FDFT1: variants seen among roughly 807,000 people sequenced by gnomAD.
The protein encoded by FDFT1 is squalene synthase.
Under a neutral mutation model 46.8 loss-of-function variants are expected in FDFT1, and 68 were observed. That is an observed-to-expected ratio of 1.45 (90% CI 1.19 to 1.78). The LOEUF (loss-of-function observed/expected upper bound fraction) is 1.78, where lower values mean the gene tolerates loss of function less well. Ranked by LOEUF, FDFT1 falls within the 40% of genes most tolerant of loss-of-function variation. The pLI, the probability that FDFT1 is intolerant of heterozygous loss-of-function variation, is 0.00. For missense variants in FDFT1, 928 were observed against 524.4 expected (o/e 1.77, Z -7.52); for synonymous variants, 351 against 185.1 (o/e 1.90, Z -7.28).
At chr8:11,812,140 C>T (rs571301197) in intron 3 of FDFT1, among the ~76,000 whole-genome samples, 7 of 152,306 alleles carry the variant, frequency 4.6e-5, no homozygotes, top group African/African-American at 1.7e-4. Flanking sequence ...TAGGCCCCCT[C>T]ACTCCCAAAG....
intron 3 of FDFT1, among the ~76,000 whole-genome samples, chr8:11,817,416 A>G (rs1030468231): frequency 6.6e-6 from 1 of 151,858 alleles, no homozygotes. Flanking sequence ...CTCTTTTTCT[A>G]TTGGAATAGT....
chr8:11,823,021 C>G (rs1042274023), intron 4 of FDFT1, among the ~76,000 whole-genome samples: 1 of 152,034 alleles, frequency 6.6e-6, no homozygotes, highest in Non-Finnish European at 1.5e-5. Flanking sequence ...GTGGTGTGAT[C>G]ACGGCTCCCC....
At chr8:11,808,729 C>G (rs1473220048) in intron 1 of FDFT1, 65 bp from the exon 2 acceptor site, 2 of 1,574,484 alleles carry the variant, frequency 1.3e-6, no homozygotes, top group Non-Finnish European at 1.7e-6. Context: ...CACTCCCACT[C>G]CCACTCCCAC....
chr8:11,814,398 G>A (rs923477218), intron 3 of FDFT1, among the ~76,000 whole-genome samples: 1 of 150,708 alleles, frequency 6.6e-6, no homozygotes, highest in Non-Finnish European at 1.5e-5. Context: ...GCAATCAGCC[G>A]GCCACCTGGT....
At chr8:11,810,157 TA>T (rs1807502171) in intron 3 of FDFT1, among the ~76,000 whole-genome samples, 1 of 152,168 alleles carries the variant, frequency 6.6e-6, no homozygotes, top group African/African-American at 2.4e-5. Flanking sequence ...AGAATTAACG[TA>T]GGTAATGCTC....
intron 3 of FDFT1, among the ~76,000 whole-genome samples, chr8:11,811,349 G>A (rs2075960887): frequency 1.3e-5 from 2 of 152,158 alleles, no homozygotes; most frequent in African/African-American, 2.4e-5. Context: ...TATTCTAGCT[G>A]GACCTAGCCT....
chr8:11,838,001 C>T (rs1257414971), intron 7 of FDFT1, among the ~76,000 whole-genome samples: 5 of 152,180 alleles, frequency 3.3e-5, no homozygotes, highest in Non-Finnish European at 2.9e-5. Flanking sequence ...GCTGCTTTTG[C>T]CCAGTCTTTC....
In FDFT1 at chr8:11,808,797, T is replaced by C; in HGVS notation, c.103T>C (p.Ser35Pro). ...RKVMPKMDQD[S>P]LSSSLKTCYK... ...CGTGTGTGTTGTCTGCCCGCAGGAC[T>C]CGCTCAGCAGCAGCCTGAAAACTTG... Residue 35 changes from serine to proline, a missense_variant, in exon 2 of 8, where the codon TCG becomes CCG. Physicochemically the swap from Ser to Pro is moderately conservative, Grantham distance 74. Transcript: ENST00000220584. 1 of 1,613,746 alleles carries C rather than the reference T, an allele frequency of 6.2e-7. No homozygotes were observed. The highest frequency in any genetic ancestry group is 8.5e-7 in the Non-Finnish European group (1 of 1,179,908).
intron 4 of FDFT1, among the ~76,000 whole-genome samples, chr8:11,824,906 T>C (rs564383131): frequency 3.7e-4 from 57 of 152,220 alleles, no homozygotes; most frequent in African/African-American, 1.3e-3. Flanking sequence ...AGCTAATTTT[T>C]TTGTATTTTT....
At chr8:11,827,120 C>T (rs931884183) in intron 5 of FDFT1, among the ~76,000 whole-genome samples, 1 of 152,084 alleles carries the variant, frequency 6.6e-6, no homozygotes, top group Non-Finnish European at 1.5e-5. Context: ...GAATTTATTC[C>T]AGCATTTACC....
At chr8:11,834,156 G>T (rs1346009831) in intron 7 of FDFT1, among the ~76,000 whole-genome samples, 4 of 152,216 alleles carry the variant, frequency 2.6e-5, no homozygotes, top group African/African-American at 9.7e-5. Context: ...GTTGTAGCGA[G>T]CATGCACCTG....
At chr8:11,808,995 G>A (rs1554517679) in intron 2 of FDFT1, 104 bp downstream of exon 2, 6 of 1,499,948 alleles carry the variant, frequency 4.0e-6, no homozygotes, top group Admixed American at 4.0e-5. Flanking sequence ...TTGCAGCCTC[G>A]TTGCTGTGGC....
chr8:11,808,522 C>T, intron 1 of FDFT1: 2 of 1,334,228 alleles, frequency 1.5e-6, no homozygotes, highest in Non-Finnish European at 9.5e-7. Context: ...ATTCCCATGG[C>T]CGCAGCCGCC....
chr8:11,800,207 A>G (rs2645435), upstream of FDFT1, among the ~76,000 whole-genome samples: 112,915 of 144,370 alleles, frequency 0.78, 44,353 homozygotes, highest in Middle Eastern at 0.86. Context: ...GTGGCAGTGA[A>G]CCGAGACTGT....
chr8:11,806,054 A>AT (rs1248072124), intron 1 of FDFT1, among the ~76,000 whole-genome samples: 1 of 152,108 alleles, frequency 6.6e-6, no homozygotes, highest in Non-Finnish European at 1.5e-5. Flanking sequence ...AATCTATTCT[A>AT]TTTTAAAGTG....
At chr8:11,821,704 C>A in intron 3 of FDFT1, 46 bp from the exon 4 acceptor site, 1 of 1,604,210 alleles carries the variant, frequency 6.2e-7, no homozygotes, top group Non-Finnish European at 8.5e-7. Flanking sequence ...GGTGCCATGT[C>A]TGTACATATT....
Position 11,815,132 on chromosome 8 carries a change from C to T in FDFT1, c.381+5282C>T, listed in dbSNP as rs185045250. Among the ~76,000 whole-genome samples, 9 of 152,176 alleles carry T rather than the reference C, an allele frequency of 5.9e-5. No individual in the cohort carries two copies. The East Asian group carries it at 1.4e-3, about 23-fold the overall frequency. On this transcript the variant is annotated intron_variant, in intron 3 of 7. Coordinates refer to ENST00000220584, the MANE Select transcript of FDFT1 (RefSeq NM_004462.5). Reference sequence around the variant, plus strand: ...GAACATGTAGTGTTTGGTTTTCTGTCGTTGTGATACTTTGCTCAGAATGAT... The same window carrying T: ...GAACATGTAGTGTTTGGTTTTCTGTTGTTGTGATACTTTGCTCAGAATGAT...
chr8:11,827,698 T>A (rs1314904134), intron 5 of FDFT1, among the ~76,000 whole-genome samples: 1 of 152,084 alleles, frequency 6.6e-6, no homozygotes, highest in Non-Finnish European at 1.5e-5. Flanking sequence ...AGATGATTAT[T>A]AAAAATCTGA....
chr8:11,827,248 G>A (rs1197790212), intron 5 of FDFT1, among the ~76,000 whole-genome samples: 2 of 152,118 alleles, frequency 1.3e-5, no homozygotes, highest in Non-Finnish European at 2.9e-5. Flanking sequence ...AGGAGTTCAA[G>A]ACCAGCCTGA....
Sources: allele counts gnomAD v4.1 joint callset (sites outside exome capture counted in the v4.1 genomes callset), GRCh38; gene constraint gnomAD v4.1.1; transcripts MANE v1.5; gene names NCBI Gene and HGNC (gene_info 2026-07-23, HGNC 2026-07-21).